NBAS: variants seen among roughly 807,000 people sequenced by gnomAD.
The protein encoded by NBAS is NAG/BC035112 fusion.
A neutral mutation model predicts 302.5 loss-of-function variants in NBAS; 219 were observed. That is an observed-to-expected ratio of 0.72 (90% CI 0.65 to 0.81). The LOEUF is 0.81. Among genes scored for constraint, NBAS ranks in the 30% least tolerant of loss-of-function variants. NBAS has a pLI of 0.00. For synonymous variants in NBAS, 1,118 were observed against 1,021.6 expected (o/e 1.09, Z -1.80); for missense variants, 2,932 against 2,841.6 (o/e 1.03, Z -0.72).
chr2:15,012,660 C>A, the NBAS span, among the ~76,000 whole-genome samples: 1 of 152,034 alleles, frequency 6.6e-6, no homozygotes, highest in Middle Eastern at 3.2e-3. Flanking sequence ...AGAGAAGTGT[C>A]AAGTTACATA....
the NBAS span, among the ~76,000 whole-genome samples, chr2:14,923,212 C>T: frequency 1.5e-3 from 227 of 152,284 alleles, no homozygotes; most frequent in African/African-American, 4.6e-3. Flanking sequence ...TTCATTCTTT[C>T]ATTCAGTTAT....
At chr2:14,896,153 C>G in the NBAS span, among the ~76,000 whole-genome samples, 1 of 152,062 alleles carries the variant, frequency 6.6e-6, no homozygotes. Context: ...CCTGAATCGG[C>G]CCCTATTTCT....
chr2:15,186,991 G>A (rs1665120579), intron 49 of NBAS, 111 bp from the exon 50 acceptor site: 22 of 1,457,356 alleles, frequency 1.5e-5, no homozygotes, highest in Non-Finnish European at 5.7e-6. Context: ...TCAGAATCTA[G>A]GTGACGTGCT....
the NBAS span, among the ~76,000 whole-genome samples, chr2:15,118,184 AG>A: frequency 6.6e-6 from 1 of 152,344 alleles, no homozygotes; most frequent in South Asian, 2.1e-4. Flanking sequence ...GAATGGAATC[AG>A]AGACTATTGA....
the NBAS span, among the ~76,000 whole-genome samples, chr2:14,847,477 A>C: frequency 6.6e-6 from 1 of 151,346 alleles, no homozygotes; most frequent in African/African-American, 2.4e-5. Context: ...AAAGAACAGA[A>C]GTGCCTATAC....
At chr2:15,207,157 A>G (rs1474753133) in intron 48 of NBAS, among the ~76,000 whole-genome samples, 5 of 152,214 alleles carry the variant, frequency 3.3e-5, no homozygotes, top group African/African-American at 1.2e-4. Flanking sequence ...GGGAGCCTAC[A>G]TCTTGCATGA....
intron 21 of NBAS, among the ~76,000 whole-genome samples, chr2:15,455,833 A>T (rs1679226054): frequency 6.6e-6 from 1 of 151,720 alleles, no homozygotes; most frequent in Admixed American, 6.6e-5. Flanking sequence ...CTTTTTAACC[A>T]AATTGTATTC....
chr2:15,448,941 C>T (rs1195006466), intron 21 of NBAS, among the ~76,000 whole-genome samples: 1 of 152,104 alleles, frequency 6.6e-6, no homozygotes, highest in East Asian at 1.9e-4. Flanking sequence ...GGCAATACAA[C>T]CATTCAGAAG....
chr2:15,318,337 A>C (rs1333223295), intron 38 of NBAS, among the ~76,000 whole-genome samples: 2 of 152,232 alleles, frequency 1.3e-5, no homozygotes, highest in African/African-American at 4.8e-5. Context: ...AACTCCATCA[A>C]TTAATGGGCA....
the NBAS span, among the ~76,000 whole-genome samples, chr2:15,001,225 G>A: frequency 3.9e-5 from 6 of 151,920 alleles, no homozygotes; most frequent in Non-Finnish European, 5.9e-5. Flanking sequence ...CCTTTCCTTC[G>A]CCAGGATTTT....
the NBAS span, among the ~76,000 whole-genome samples, chr2:15,077,052 T>C: frequency 9.2e-5 from 14 of 152,216 alleles, no homozygotes; most frequent in Non-Finnish European, 1.9e-4. Context: ...ATTTTCACAC[T>C]GCTATAAAGA....
intron 15 of NBAS, 54 bp from the exon 16 acceptor site, chr2:15,473,401 G>A: frequency 6.2e-7 from 1 of 1,600,334 alleles, no homozygotes; most frequent in Non-Finnish European, 8.5e-7. Flanking sequence ...TATCCACAGG[G>A]TCCTGATGAT....
chr2:15,469,432 T>G (rs1230278088), intron 16 of NBAS, among the ~76,000 whole-genome samples: 2 of 152,146 alleles, frequency 1.3e-5, no homozygotes, highest in Non-Finnish European at 2.9e-5. Flanking sequence ...AGTGTGGCGA[T>G]TCCTCAAGGA....
rs1039370149 is a variant in NBAS at position 15,479,702 on chromosome 2, C to T, written c.1084-1413G>A. Among the ~76,000 whole-genome samples, 3 of 152,168 alleles carry T rather than the reference C, an allele frequency of 2.0e-5. No individual in the cohort carries two copies. In the East Asian group the frequency reaches 5.8e-4, roughly 29 times the overall value. On this transcript the variant is annotated intron_variant, in intron 12 of 51. Transcript: ENST00000281513. ...AAACTAATGATAAGAAGGAGCACCA[C>T]GAATAAGCACTAGAACCGGGGTCTG...
chr2:15,471,649 T>C (rs1395038040), intron 16 of NBAS, among the ~76,000 whole-genome samples: 2 of 144,736 alleles, frequency 1.4e-5, no homozygotes, highest in Middle Eastern at 3.2e-3. Context: ...CCAAAATCCA[T>C]ATGTTGAAAA....
At position 15,535,706 on chromosome 2, in the gene NBAS, T is replaced by C. The variant is rs117645607; in HGVS notation, c.647+712A>G. ...TGTAAATAGTAGTTATACTATATTGTTCAGAGAATGACAAGAAAAAGTCTG... is the reference window on the plus strand; with the variant it reads ...TGTAAATAGTAGTTATACTATATTGCTCAGAGAATGACAAGAAAAAGTCTG... On this transcript the variant is annotated intron_variant, in intron 8 of 51. Transcript: ENST00000281513. Among the ~76,000 whole-genome samples, 198 of 152,236 alleles carry C rather than the reference T, an allele frequency of 1.3e-3. 1 individual carries two copies. The East Asian group carries it at 0.035, about 27-fold the overall frequency.
chr2:14,911,153 C>T, the NBAS span, among the ~76,000 whole-genome samples: 1 of 152,166 alleles, frequency 6.6e-6, no homozygotes, highest in Non-Finnish European at 1.5e-5. Flanking sequence ...AAGATGTTAT[C>T]GAAAGCAAAT....
At chr2:14,923,766 C>T in the NBAS span, among the ~76,000 whole-genome samples, 1 of 152,078 alleles carries the variant, frequency 6.6e-6, no homozygotes, top group African/African-American at 2.4e-5. Flanking sequence ...GCTGAGGTAC[C>T]CCCACCCACT....
At chr2:15,502,322 T>G (rs2148632873) in intron 11 of NBAS, among the ~76,000 whole-genome samples, 1 of 152,374 alleles carries the variant, frequency 6.6e-6, no homozygotes, top group East Asian at 1.9e-4. Context: ...ATAAGCCCTA[T>G]GAGCTCTTTC....
Sources: gnomAD v4.1 joint callset for allele counts (sites outside exome capture counted in the v4.1 genomes callset) on GRCh38, gnomAD v4.1.1 for gene constraint, MANE v1.5 for transcripts, NCBI Gene and HGNC (gene_info 2026-07-23, HGNC 2026-07-21) for gene names.